Variants in LIMS1 observed in about 807,000 individuals in gnomAD.
LIMS1 encodes LIM and senescent cell antigen-like-containing domain protein 1.
LIMS1 carries 18 observed loss-of-function variants against 44.1 expected under a neutral mutation model. That is an observed-to-expected ratio of 0.41 (90% CI 0.28 to 0.61). The LOEUF (loss-of-function observed/expected upper bound fraction) is 0.61, where lower values mean the gene tolerates loss of function less well. Among genes scored for constraint, LIMS1 ranks in the 20% least tolerant of loss-of-function variants. The pLI is 0.32. For synonymous variants in LIMS1, 93 were observed against 149.1 expected, an observed-to-expected ratio of 0.62 and a Z score of 2.74; for missense variants, 201 against 422.0, an observed-to-expected ratio of 0.48 and a Z score of 4.59.
intron 2 of LIMS1, among the ~76,000 whole-genome samples, chr2:108,665,674 A>G (rs1261994758): frequency 1.3e-5 from 2 of 151,962 alleles, no homozygotes; most frequent in Non-Finnish European, 2.9e-5. Context: ...ATCCAGGCGC[A>G]TGCCACCACG....
chr2:108,598,315 G>T (rs1170335266), intron 1 of LIMS1, among the ~76,000 whole-genome samples: 1 of 152,164 alleles, frequency 6.6e-6, no homozygotes, highest in African/African-American at 2.4e-5. Flanking sequence ...AAACGAATTT[G>T]TGTCACCTGG....
chr2:108,685,957 T>C (rs1397879438), exon 10 of LIMS1: 2 of 152,166 alleles, frequency 1.3e-5, no homozygotes, highest in Non-Finnish European at 2.9e-5. Flanking sequence ...CTTGTGTTTG[T>C]TTACATATCA....
At chr2:108,598,743 C>T in intron 1 of LIMS1, among the ~76,000 whole-genome samples, 1 of 152,172 alleles carries the variant, frequency 6.6e-6, no homozygotes, top group Non-Finnish European at 1.5e-5. Flanking sequence ...TAGCCCTGGT[C>T]TTTCAAAAAG....
chr2:108,534,429 C>G (rs1684042292), exon 1 of LIMS1: 1 of 602,426 alleles, frequency 1.7e-6, no homozygotes, highest in Admixed American at 5.4e-5. Context: ...CCCCGCGCGG[C>G]CGGCCCCTGG....
rs190758266 is a variant in LIMS1 at position 108,550,629 on chromosome 2, C to T, written c.32+16035C>T. Among the ~76,000 whole-genome samples, 805 of 149,236 alleles carry T rather than the reference C, an allele frequency of 5.4e-3. 5 individuals carry two copies. The highest frequency in any genetic ancestry group is 9.5e-3 in the Non-Finnish European group (643 of 67,610). Reference sequence around the variant, plus strand: ...AGGAGATCGAGACCATCCTAGCTAACACAGTGAAACCCCATCTCTACTAAA... The same window carrying T: ...AGGAGATCGAGACCATCCTAGCTAATACAGTGAAACCCCATCTCTACTAAA... On this transcript the variant is annotated intron_variant, in intron 1 of 9. Coordinates refer to ENST00000544547, the Ensembl canonical transcript of LIMS1.
intron 1 of LIMS1, among the ~76,000 whole-genome samples, chr2:108,551,179 T>C (rs941720748): frequency 6.6e-6 from 1 of 151,740 alleles, no homozygotes; most frequent in African/African-American, 2.4e-5. Flanking sequence ...ATTTAAATGC[T>C]ATAAAATTCA....
chr2:108,637,191 G>A (rs1689336922), intron 1 of LIMS1, among the ~76,000 whole-genome samples: 1 of 148,382 alleles, frequency 6.7e-6, no homozygotes, highest in African/African-American at 2.5e-5. Context: ...TTCAAATGCT[G>A]TTTAATGCAG....
At chr2:108,638,689 G>A (rs1200640939) in intron 1 of LIMS1, among the ~76,000 whole-genome samples, 1 of 151,982 alleles carries the variant, frequency 6.6e-6, no homozygotes, top group Non-Finnish European at 1.5e-5. Flanking sequence ...CGAGGTTGCG[G>A]TGAGTCAAAA....
intron 1 of LIMS1, among the ~76,000 whole-genome samples, chr2:108,567,440 A>G (rs1345574497): frequency 2.0e-5 from 3 of 152,180 alleles, no homozygotes; most frequent in Non-Finnish European, 4.4e-5. Context: ...GAATAAATGG[A>G]CACACATTAT....
intron 1 of LIMS1, among the ~76,000 whole-genome samples, chr2:108,577,168 G>A (rs1685702242): frequency 6.6e-6 from 1 of 152,154 alleles, no homozygotes; most frequent in Admixed American, 6.5e-5. Context: ...GAGTCTTATT[G>A]CTGTTGCCTG....
intron 1 of LIMS1, among the ~76,000 whole-genome samples, chr2:108,570,920 G>A (rs997288837): frequency 1.3e-5 from 2 of 152,200 alleles, no homozygotes; most frequent in Non-Finnish European, 2.9e-5. Flanking sequence ...ATAGCTAACT[G>A]AAGAAAAATA....
chr2:108,659,167 T>A (rs1183798701), intron 1 of LIMS1: 3 of 971,760 alleles, frequency 3.1e-6, no homozygotes, highest in Non-Finnish European at 3.7e-6. Flanking sequence ...ACATGGCATT[T>A]AGTTGACATG....
intron 1 of LIMS1, among the ~76,000 whole-genome samples, chr2:108,602,158 C>T (rs1687051363): frequency 1.3e-5 from 2 of 152,132 alleles, no homozygotes; most frequent in African/African-American, 2.4e-5. Context: ...ATTTTGTGTA[C>T]TCCAACTTTA....
chr2:108,686,159 C>T (rs1176211665), exon 10 of LIMS1: 1 of 151,490 alleles, frequency 6.6e-6, no homozygotes, highest in Non-Finnish European at 1.5e-5. Flanking sequence ...CCCATCTCTA[C>T]TACAAAAAAA....
intron 1 of LIMS1, among the ~76,000 whole-genome samples, chr2:108,605,298 G>T (rs1687215409): frequency 1.3e-5 from 2 of 152,096 alleles, no homozygotes; most frequent in Admixed American, 1.3e-4. Context: ...GACTTCCCCT[G>T]CTGGGCAAGG....
Position 108,642,353 on chromosome 2 carries a change from TTTTTGTTTTTTG to T in LIMS1, c.33-17247_33-17236del, listed in dbSNP as rs1558824060. On this transcript the variant is annotated intron_variant, in intron 1 of 9. Coordinates refer to ENST00000544547, the Ensembl canonical transcript of LIMS1. Reference sequence around the variant, plus strand: ...TACTAGTGTTTTTTGTTTTTTTTTTTTTTTGTTTTTTGTTTTTTTTTTTTGAGACGGAGTCTC... The same window carrying T: ...TACTAGTGTTTTTTGTTTTTTTTTTTTTTTTTTTTTTTGAGACGGAGTCTC... Among the ~76,000 whole-genome samples, 307 of 10,540 alleles carry T rather than the reference TTTTTGTTTTTTG, an allele frequency of 0.029. 26 individuals carry two copies. In the East Asian group the frequency reaches 0.37, roughly 13 times the overall value. 6.9% of individuals were successfully genotyped at this position (10,540 alleles called of 152,430 possible). A position where few individuals can be genotyped will look rare whatever the true frequency, so the allele number is the denominator to read the frequency against.
At chr2:108,684,090 A>G (rs1157220160) in exon 10 of LIMS1, 3 of 648,790 alleles carry the variant, frequency 4.6e-6, no homozygotes, top group Admixed American at 6.5e-5. Flanking sequence ...ATCTCAAAGC[A>G]GTTGAGAGAA....
chr2:108,582,566 C>G (rs976316578), intron 1 of LIMS1, among the ~76,000 whole-genome samples: 1 of 151,970 alleles, frequency 6.6e-6, no homozygotes, highest in Non-Finnish European at 1.5e-5. Flanking sequence ...TCCAGGAGTT[C>G]GAGACCAGCC....
chr2:108,559,902 G>A (rs1020788507), intron 1 of LIMS1, among the ~76,000 whole-genome samples: 4 of 152,178 alleles, frequency 2.6e-5, no homozygotes, highest in Non-Finnish European at 4.4e-5. Context: ...ACGGACTGTC[G>A]TAGGTGCTGG....
Sources: gnomAD v4.1 joint callset for allele counts (sites outside exome capture counted in the v4.1 genomes callset) on GRCh38, gnomAD v4.1.1 for gene constraint, MANE v1.5 for transcripts, NCBI Gene and HGNC (gene_info 2026-07-23, HGNC 2026-07-21) for gene names.